The following AGTPBP1 variants were observed in gnomAD, a reference collection of about 807,000 sequenced individuals.
AGTPBP1 encodes cytosolic carboxypeptidase 1.
In AGTPBP1, 70 loss-of-function variants were observed where a neutral mutation model predicts 143.9. That is an observed-to-expected ratio of 0.49 (90% CI 0.40 to 0.59). The LOEUF (loss-of-function observed/expected upper bound fraction) is 0.59, where lower values mean the gene tolerates loss of function less well. AGTPBP1 is among the 20% of genes least tolerant of loss of function. AGTPBP1 has a pLI of 0.00. For synonymous variants in AGTPBP1, 463 were observed against 500.2 expected, an observed-to-expected ratio of 0.93 and a Z score of 0.99; for missense variants, 1,229 against 1,464.5, an observed-to-expected ratio of 0.84 and a Z score of 2.62.
intron 1 of AGTPBP1, among the ~76,000 whole-genome samples, chr9:85,724,220 G>C (rs1191358413): frequency 1.3e-5 from 2 of 151,046 alleles, no homozygotes; most frequent in African/African-American, 4.9e-5. Context: ...CTGGGAGGCA[G>C]GGGTTACAGT....
intron 8 of AGTPBP1, among the ~76,000 whole-genome samples, chr9:85,661,671 A>T (rs904295372): frequency 6.6e-6 from 1 of 152,142 alleles, no homozygotes; most frequent in African/African-American, 2.4e-5. Context: ...ACACATAGTG[A>T]AATCAACTGC....
chr9:85,671,687 G>GA (rs112310649), intron 7 of AGTPBP1, among the ~76,000 whole-genome samples: 9 of 151,388 alleles, frequency 5.9e-5, no homozygotes, highest in East Asian at 5.8e-4. Flanking sequence ...TCAGAGAATA[G>GA]AAAAAAAAAT....
At chr9:85,620,717 A>C (rs993334266) in intron 15 of AGTPBP1, among the ~76,000 whole-genome samples, 3 of 152,186 alleles carry the variant, frequency 2.0e-5, no homozygotes, top group Admixed American at 2.0e-4. Context: ...CAGGCAACCT[A>C]AATGACTGAG....
At chr9:85,678,626 T>C (rs1834981552) in intron 4 of AGTPBP1, among the ~76,000 whole-genome samples, 1 of 152,232 alleles carries the variant, frequency 6.6e-6, no homozygotes, top group Non-Finnish European at 1.5e-5. Flanking sequence ...ACAAGAAGAA[T>C]CAATTTGTCA....
chr9:85,797,507 C>T, the AGTPBP1 span, among the ~76,000 whole-genome samples: 2 of 152,092 alleles, frequency 1.3e-5, no homozygotes, highest in Non-Finnish European at 2.9e-5. Context: ...TTAGGTAATC[C>T]ATCATTTCCA....
the AGTPBP1 span, among the ~76,000 whole-genome samples, chr9:85,794,335 T>C: frequency 6.6e-6 from 1 of 152,154 alleles, no homozygotes; most frequent in Non-Finnish European, 1.5e-5. Flanking sequence ...AATTAGTTTT[T>C]GTACATGGTA....
At chr9:85,736,657 C>T (rs911000120) in intron 1 of AGTPBP1, among the ~76,000 whole-genome samples, 2 of 152,078 alleles carry the variant, frequency 1.3e-5, no homozygotes, top group African/African-American at 4.8e-5. Context: ...GATTTAAATC[C>T]AGAAGTTCTA....
chr9:85,678,525 G>T (rs927886155), intron 4 of AGTPBP1, 127 bp from the exon 5 acceptor site: 6 of 483,942 alleles, frequency 1.2e-5, no homozygotes, highest in African/African-American at 1.0e-4. Context: ...AGGTATTCAG[G>T]TTTTCACTAT....
intron 3 of AGTPBP1, among the ~76,000 whole-genome samples, chr9:85,692,313 G>A (rs188784679): frequency 3.4e-5 from 5 of 147,676 alleles, no homozygotes; most frequent in African/African-American, 1.0e-4. Context: ...TCTTGCTGTC[G>A]CCCAGGCTGG....
chr9:85,788,618 T>C, the AGTPBP1 span, among the ~76,000 whole-genome samples: 1 of 149,650 alleles, frequency 6.7e-6, no homozygotes, highest in Non-Finnish European at 1.5e-5. Context: ...ACTGACCTTT[T>C]ACCATTATAA....
intron 17 of AGTPBP1, among the ~76,000 whole-genome samples, chr9:85,614,556 A>G (rs1027512527): frequency 1.6e-4 from 25 of 152,208 alleles, no homozygotes; most frequent in African/African-American, 5.5e-4. Context: ...CTATTCCACA[A>G]ATTTAATCCA....
intron 11 of AGTPBP1, among the ~76,000 whole-genome samples, chr9:85,650,778 T>C (rs1833116558): frequency 1.3e-5 from 2 of 152,224 alleles, no homozygotes; most frequent in Non-Finnish European, 2.9e-5. Context: ...CCACCAACAC[T>C]GTTTCTACCA....
At chr9:85,608,643 TTGA>T (rs1163854159) in intron 17 of AGTPBP1, among the ~76,000 whole-genome samples, 6 of 151,822 alleles carry the variant, frequency 4.0e-5, no homozygotes, top group Admixed American at 2.6e-4. Context: ...TGCTTGGAAT[TTGA>T]TGATAATATA....
intron 2 of AGTPBP1, among the ~76,000 whole-genome samples, chr9:85,700,208 T>C (rs1344748691): frequency 2.6e-5 from 4 of 152,214 alleles, no homozygotes; most frequent in Admixed American, 2.6e-4. Flanking sequence ...TGAGAACTTC[T>C]GGGCTAGGTT....
intron 4 of AGTPBP1, among the ~76,000 whole-genome samples, chr9:85,679,131 G>A (rs1835010610): frequency 6.6e-6 from 1 of 152,100 alleles, no homozygotes; most frequent in African/African-American, 2.4e-5. Context: ...CAAAGAATAT[G>A]GGCCTTTATT....
Position 85,712,456 on chromosome 9 carries a change from CATT to C in AGTPBP1, c.32+43_32+45del, listed in dbSNP as rs1246392141. 1.3e-5 allele frequency: 13 copies of C among 1,037,016 alleles called. No individual in the cohort carries two copies. In the South Asian group the frequency reaches 2.0e-4, roughly 16 times the overall value. 64.2% of individuals were successfully genotyped at this position (1,037,016 alleles called of 1,614,324 possible). A position where few individuals can be genotyped will look rare whatever the true frequency, so the allele number is the denominator to read the frequency against. ...TTGAGTTTCAAGTAATTCTGTCATACATTATTTCTGTAACTTATGCATACTGAT... is the reference window on the plus strand; with the variant it reads ...TTGAGTTTCAAGTAATTCTGTCATACATTTCTGTAACTTATGCATACTGAT... On this transcript the variant is annotated intron_variant, in intron 2 of 25. Coordinates refer to ENST00000357081, the MANE Select transcript of AGTPBP1 (RefSeq NM_001330701.2).
chr9:85,595,711 C>A (rs576443443), intron 18 of AGTPBP1, among the ~76,000 whole-genome samples: 1 of 151,942 alleles, frequency 6.6e-6, no homozygotes, highest in East Asian at 1.9e-4. Context: ...ATTTTTGGTA[C>A]AGACAGGGTT....
chr9:85,687,335 G>A (rs932533693), intron 3 of AGTPBP1, among the ~76,000 whole-genome samples: 2 of 152,124 alleles, frequency 1.3e-5, no homozygotes, highest in Admixed American at 6.6e-5. Context: ...AAAATCAACA[G>A]TGTATAAGAG....
intron 25 of AGTPBP1, among the ~76,000 whole-genome samples, chr9:85,573,630 C>A (rs1827678301): frequency 6.6e-6 from 1 of 151,702 alleles, no homozygotes; most frequent in African/African-American, 2.4e-5. Context: ...AGCGTCTCTG[C>A]CCGCCCGCCA....
Sources: gnomAD v4.1 joint callset for allele counts (sites outside exome capture counted in the v4.1 genomes callset) on GRCh38, gnomAD v4.1.1 for gene constraint, MANE v1.5 for transcripts, NCBI Gene and HGNC (gene_info 2026-07-23, HGNC 2026-07-21) for gene names.